CUX2: variants seen among roughly 807,000 people sequenced by gnomAD.
The protein encoded by CUX2 is cut like homeobox 2.
A neutral mutation model predicts 144.8 loss-of-function variants in CUX2; 40 were observed. That is an observed-to-expected ratio of 0.28 (90% CI 0.21 to 0.36). The LOEUF (loss-of-function observed/expected upper bound fraction) is 0.36, where lower values mean the gene tolerates loss of function less well. CUX2 is among the 10% of genes least tolerant of loss of function. CUX2 has a pLI of 1.00. For missense variants in CUX2, 1,615 were observed against 1,994.0 expected, an observed-to-expected ratio of 0.81 and a Z score of 3.62; for synonymous variants, 827 against 875.6, an observed-to-expected ratio of 0.94 and a Z score of 0.98.
intron 1 of CUX2, among the ~76,000 whole-genome samples, chr12:111,198,543 T>A (rs1592830091): frequency 6.7e-6 from 1 of 149,432 alleles, no homozygotes; most frequent in Non-Finnish European, 1.5e-5. Flanking sequence ...GCTATGGAGG[T>A]GAACAAAACA....
chr12:111,165,698 T>C (rs1394818131), intron 1 of CUX2, among the ~76,000 whole-genome samples: 1 of 152,178 alleles, frequency 6.6e-6, no homozygotes, highest in Non-Finnish European at 1.5e-5. Flanking sequence ...CCAGAGCTGG[T>C]GGGTGAGAAC....
intron 18 of CUX2, among the ~76,000 whole-genome samples, chr12:111,331,915 A>G (rs1888134147): frequency 6.6e-6 from 1 of 151,786 alleles, no homozygotes; most frequent in African/African-American, 2.4e-5. Context: ...CCCCATCTCT[A>G]CTAACAATAC....
At chr12:111,245,757 G>T (rs1883251365) in intron 3 of CUX2, among the ~76,000 whole-genome samples, 2 of 152,102 alleles carry the variant, frequency 1.3e-5, no homozygotes, top group African/African-American at 2.4e-5. Context: ...AAGGAGCTGG[G>T]TATGCCCCAC....
chr12:111,099,288 G>A (rs1248702237), intron 1 of CUX2, among the ~76,000 whole-genome samples: 2 of 152,242 alleles, frequency 1.3e-5, no homozygotes, highest in Non-Finnish European at 2.9e-5. Context: ...TGTTCAGAGT[G>A]CCTGGGACCT....
chr12:111,171,477 C>T lies in CUX2; in HGVS notation c.64-42723C>T, dbSNP rs991091283. The stretch of plus-strand genomic sequence containing the variant: ...TCTCTCTGACCCAATGCAAGCAGCC[C>T]GGAGACATCTTGCTTCCTTGTTTCC... On this transcript the variant is annotated intron_variant, in intron 1 of 21. Coordinates refer to ENST00000261726, the MANE Select transcript of CUX2 (RefSeq NM_015267.4). The surrounding 1 kb of genome is among the most constrained non-coding windows in gnomAD (Gnocchi z 5.0). Among the ~76,000 whole-genome samples, 5 of 152,162 alleles carry T rather than the reference C, an allele frequency of 3.3e-5. No homozygotes were observed. The highest frequency in any genetic ancestry group is 4.8e-5 in the African/African-American group (2 of 41,416).
At chr12:111,091,483 C>A (rs1475389510) in intron 1 of CUX2, among the ~76,000 whole-genome samples, 1 of 152,148 alleles carries the variant, frequency 6.6e-6, no homozygotes, top group Non-Finnish European at 1.5e-5. Flanking sequence ...GATTGGGCCA[C>A]CTCATCCCAG....
At chr12:111,296,442 G>A (rs1388028217) in intron 7 of CUX2, 31 bp from the exon 8 acceptor site, 7 of 1,583,500 alleles carry the variant, frequency 4.4e-6, no homozygotes, top group Non-Finnish European at 6.0e-6. Context: ...ACTCGGAGGT[G>A]GGGCCTCACC....
At chr12:111,184,888 C>T (rs1260784882) in intron 1 of CUX2, among the ~76,000 whole-genome samples, 1 of 151,936 alleles carries the variant, frequency 6.6e-6, no homozygotes, top group Non-Finnish European at 1.5e-5. Flanking sequence ...ACAGTGAAAC[C>T]CCGTCTCTAC....
chr12:111,234,716 CTT>C (rs779196975), intron 3 of CUX2, among the ~76,000 whole-genome samples: 6 of 132,920 alleles, frequency 4.5e-5, no homozygotes, highest in African/African-American at 8.4e-5. Flanking sequence ...CTTCCCCTTT[CTT>C]TTTTTTTTTT....
At chr12:111,218,609 A>C (rs1200514403) in intron 3 of CUX2, among the ~76,000 whole-genome samples, 2 of 152,142 alleles carry the variant, frequency 1.3e-5, no homozygotes, top group Non-Finnish European at 2.9e-5. Flanking sequence ...TTAAAATCAG[A>C]GGTTGGTACT....
intron 18 of CUX2, among the ~76,000 whole-genome samples, chr12:111,330,724 T>TATACAC (rs1888074757): frequency 1.9e-5 from 1 of 51,330 alleles, no homozygotes; most frequent in African/African-American, 1.0e-4. Context: ...TATATATATA[T>TATACAC]ATATATATAT....
Position 111,186,385 on chromosome 12 carries a change from A to T in CUX2, c.64-27815A>T, listed in dbSNP as rs904896372. The stretch of plus-strand genomic sequence containing the variant: ...GGGACGCAGGTGCTGAGAAAGTGGC[A>T]TGAGGGCCTTGTGGGGAAGGCTAAG... On this transcript the variant is annotated intron_variant, in intron 1 of 21. Coordinates refer to ENST00000261726, the MANE Select transcript of CUX2 (RefSeq NM_015267.4). This position sits in a 1 kb window ranked among gnomAD's most constrained non-coding sequence, Gnocchi z 4.4. Among the ~76,000 whole-genome samples the T allele has an allele frequency of 1.3e-5, 2 of 152,186 alleles. No homozygotes were observed. The highest frequency in any genetic ancestry group is 2.9e-5 in the Non-Finnish European group (2 of 68,032).
chr12:111,214,187 T>TA lies in CUX2; in HGVS notation c.64-13_64-12insA. On this transcript the variant is annotated splice_polypyrimidine_tract_variant and intron_variant, in intron 1 of 21. Coordinates refer to ENST00000261726, the MANE Select transcript of CUX2 (RefSeq NM_015267.4). ...TCTCTCTCTCTCTTTTTTTTTTTTT[T>TA]TTATTGTTCCAGAAGGAGCTTAATT... 7.0e-6 allele frequency: 10 copies of TA among 1,426,550 alleles called. No individual in the cohort carries two copies. The highest frequency in any genetic ancestry group is 2.4e-5 in the East Asian group (1 of 40,888). The allele number at this position is 1,426,550 out of a possible 1,614,324, so 88.4% of individuals were successfully genotyped here.
intron 2 of CUX2, 110 bp from the exon 3 acceptor site, chr12:111,217,780 G>T (rs1009499753): frequency 2.6e-6 from 3 of 1,149,878 alleles, no homozygotes; most frequent in Non-Finnish European, 2.6e-6. Context: ...CAGGCCCCAC[G>T]GGACATGCTT....
intron 1 of CUX2, among the ~76,000 whole-genome samples, chr12:111,202,118 T>C (rs1169832870): frequency 2.6e-5 from 4 of 152,206 alleles, no homozygotes; most frequent in Admixed American, 2.0e-4. Flanking sequence ...TAAACATTCA[T>C]TGACGAATGA....
intron 1 of CUX2, among the ~76,000 whole-genome samples, chr12:111,097,936 A>G (rs1042614659): frequency 6.6e-6 from 1 of 152,170 alleles, no homozygotes; most frequent in Non-Finnish European, 1.5e-5. Context: ...AGGCCACCAC[A>G]TGGAGTTTGG....
Position 111,290,867 on chromosome 12 carries a change from C to CT in CUX2, c.302-538dup, listed in dbSNP as rs35377571. Among the ~76,000 whole-genome samples the CT allele has an allele frequency of 1.7e-3, 238 of 141,550 alleles. 1 individual carries two copies. Among genetic ancestry groups the CT allele is most frequent in the Middle Eastern group, 7.7e-3 (2 of 260 alleles). The allele number at this position is 141,550 out of a possible 152,430, so 92.9% of individuals were successfully genotyped here. A position where few individuals can be genotyped will look rare whatever the true frequency, so the allele number is the denominator to read the frequency against. On this transcript the variant is annotated intron_variant, in intron 4 of 21. Transcript: ENST00000261726. Reference sequence around the variant, plus strand: ...GCGTTAGCCACTGCACTCAGCCAACCTTTTTTTTTTTTTGAGATGGAGTCT... The same window carrying CT: ...GCGTTAGCCACTGCACTCAGCCAACCTTTTTTTTTTTTTTGAGATGGAGTCT...
chr12:111,039,149 G>T lies in CUX2; in HGVS notation c.63+4909G>T, dbSNP rs1476428283. Among the ~76,000 whole-genome samples, 1 of 152,136 alleles carries T rather than the reference G, an allele frequency of 6.6e-6. No homozygotes were observed. Among genetic ancestry groups the T allele is most frequent in the Non-Finnish European group, 1.5e-5 (1 of 68,028 alleles). On this transcript the variant is annotated intron_variant, in intron 1 of 21. Coordinates refer to ENST00000261726, the MANE Select transcript of CUX2 (RefSeq NM_015267.4). The surrounding 1 kb of genome is among the most constrained non-coding windows in gnomAD (Gnocchi z 4.2). ...GGTTTTCTGTGCTGCTTCTGAAAGG[G>T]CTGAATTTCCGGTGGCTTCCTGGCT...
Position 111,079,695 on chromosome 12 carries a change from C to A in CUX2, c.63+45455C>A, listed in dbSNP as rs1030250774. Among the ~76,000 whole-genome samples the A allele has an allele frequency of 6.0e-4, 91 of 152,202 alleles. 2 individuals are homozygous for A. Among genetic ancestry groups the A allele is most frequent in the Non-Finnish European group, 7.3e-5 (5 of 68,044 alleles). On this transcript the variant is annotated intron_variant, in intron 1 of 21. Coordinates refer to ENST00000261726, the MANE Select transcript of CUX2 (RefSeq NM_015267.4). ...ATTTATTAGCTTAATCTTTGCACAT[C>A]CCTCAGCGGCACTGTTCTCCCACCT... is the stretch of plus-strand genomic sequence containing the variant.
Sources: gnomAD v4.1 joint callset for allele counts (sites outside exome capture counted in the v4.1 genomes callset) on GRCh38, gnomAD v4.1.1 for gene constraint, Gnocchi (gnomAD v3.1) non-coding constraint, MANE v1.5 for transcripts, NCBI Gene and HGNC (gene_info 2026-07-23, HGNC 2026-07-21) for gene names.